The following RPN2 variants were observed in gnomAD, a reference collection of about 807,000 sequenced individuals.
RPN2 encodes dolichyl-diphosphooligosaccharide--protein glycosyltransferase subunit 2.
RPN2 carries 29 observed loss-of-function variants against 71.4 expected under a neutral mutation model. That is an observed-to-expected ratio of 0.41 (90% confidence interval 0.30 to 0.55). The LOEUF is 0.55. RPN2 is among the 20% of genes least tolerant of loss of function. The pLI is 0.35. For missense variants in RPN2, 726 were observed against 774.1 expected, an observed-to-expected ratio of 0.94 and a Z score of 0.74; for synonymous variants, 308 against 305.0, an observed-to-expected ratio of 1.01 and a Z score of -0.10.
intron 16 of RPN2, among the ~76,000 whole-genome samples, chr20:37,239,557 C>A (rs563059531): frequency 6.9e-6 from 1 of 145,698 alleles, no homozygotes; most frequent in Non-Finnish European, 1.5e-5. Flanking sequence ...TAGTCCTCAA[C>A]ACAGAAGGGA....
chr20:37,228,677 C>G lies in RPN2; in HGVS notation c.1427C>G (p.Ser476Cys). The G allele has an allele frequency of 6.2e-7, 1 of 1,614,228 alleles. No individual in the cohort carries two copies. Among genetic ancestry groups the G allele is most frequent in the Non-Finnish European group, 8.5e-7 (1 of 1,180,028 alleles). ...SERKIEFDSA[S>C]GTYTLYLIIG... is the part of the protein sequence containing the mutation. ...AGAAAGATTGAATTTGACTCTGCCT[C>G]TGGCACCTACACTCTCTACTTAATC... Residue 476 changes from serine (S) to cysteine (C), a missense_variant, in exon 12 of 17, where the codon TCT becomes TGT. Physicochemically the swap from Ser to Cys is moderately radical, Grantham distance 112 (BLOSUM62 -1). Transcript: ENST00000237530.
intron 14 of RPN2, among the ~76,000 whole-genome samples, chr20:37,233,254 G>A (rs749572468): frequency 1.3e-5 from 2 of 152,068 alleles, no homozygotes; most frequent in Non-Finnish European, 2.9e-5. Flanking sequence ...ATGTGTTAGT[G>A]TTGGTCATCT....
chr20:37,191,415 T>A (rs992631346), intron 2 of RPN2, among the ~76,000 whole-genome samples: 11 of 151,926 alleles, frequency 7.2e-5, no homozygotes, highest in Non-Finnish European at 1.5e-4. Flanking sequence ...GCAGAGGTTT[T>A]GCAGTGAGCT....
At chr20:37,183,669 T>C (rs553036837) in intron 1 of RPN2, among the ~76,000 whole-genome samples, 4 of 152,302 alleles carry the variant, frequency 2.6e-5, no homozygotes, top group Non-Finnish European at 5.9e-5. Context: ...CTTACATTAT[T>C]GTACTGGGGA....
rs1443612728 is a variant in RPN2 at position 37,228,819 on chromosome 20, A to G, written c.1494+75A>G. On this transcript the variant is annotated intron_variant, in intron 12 of 16. Transcript: ENST00000237530. ...GCACTGGTGGCTCTTTTTCAGGGGCATGGGGCTCTTCACCTTCGCCTTGCC... is the reference window on the plus strand; with the variant it reads ...GCACTGGTGGCTCTTTTTCAGGGGCGTGGGGCTCTTCACCTTCGCCTTGCC... 10 of 1,412,224 alleles carry G rather than the reference A, an allele frequency of 7.1e-6. No individual in the cohort carries two copies. The South Asian group carries it at 8.1e-5, about 11-fold the overall frequency. The allele number at this position is 1,412,224 out of a possible 1,614,324, so 87.5% of individuals were successfully genotyped here.
intron 11 of RPN2, 21 bp from the exon 12 acceptor site, chr20:37,228,529 T>C (rs1222429885): frequency 1.2e-6 from 2 of 1,600,592 alleles, no homozygotes; most frequent in Admixed American, 1.7e-5. Context: ...AGATGAAAGA[T>C]TGTATTATTC....
At chr20:37,212,112 T>G (rs112854804) in intron 8 of RPN2, among the ~76,000 whole-genome samples, 3,253 of 152,188 alleles carry the variant, frequency 0.021, 52 homozygotes, top group Middle Eastern at 0.034. Flanking sequence ...GCTATGTAAT[T>G]TTTTAAAAAC....
At chr20:37,185,811 AG>A (rs2066994013) in intron 2 of RPN2, among the ~76,000 whole-genome samples, 2 of 152,220 alleles carry the variant, frequency 1.3e-5, no homozygotes, top group African/African-American at 2.4e-5. Flanking sequence ...ATAATCCTGC[AG>A]GTCAGAAGTC....
chr20:37,180,911 C>T (rs1174504052), intron 1 of RPN2, among the ~76,000 whole-genome samples: 1 of 152,156 alleles, frequency 6.6e-6, no homozygotes, highest in Non-Finnish European at 1.5e-5. Flanking sequence ...GAGTGTAAGT[C>T]AAATCACTCC....
chr20:37,223,695 G>A (rs756097347), intron 9 of RPN2, among the ~76,000 whole-genome samples, 183 bp from the exon 10 acceptor site: 8 of 149,482 alleles, frequency 5.4e-5, no homozygotes, highest in East Asian at 1.9e-4. Context: ...TTTAGGCCTC[G>A]GAATGGGAGA....
At chr20:37,210,966 T>C (rs910870705) in intron 8 of RPN2, among the ~76,000 whole-genome samples, 6 of 152,030 alleles carry the variant, frequency 3.9e-5, no homozygotes, top group Non-Finnish European at 8.8e-5. Context: ...GGCAGATGGA[T>C]TGCTTGAGCC....
rs954816110 is a variant in RPN2, at chr20:37,236,769, C to T, written c.1883+60C>T. On this transcript the variant is annotated intron_variant, in intron 16 of 16. Transcript: ENST00000237530. ...GGTTAGAAATACTCAGCTCTGCCGGCCTAGCTCTTTGAAGGGTAGGTGGCA... is the reference window on the plus strand; with the variant it reads ...GGTTAGAAATACTCAGCTCTGCCGGTCTAGCTCTTTGAAGGGTAGGTGGCA... 3 of 1,571,668 alleles carry T rather than the reference C, an allele frequency of 1.9e-6. No homozygotes were observed. In the African/African-American group the frequency reaches 4.0e-5, roughly 21 times the overall value.
rs149722521 is a variant in RPN2 at position 37,236,236 on chromosome 20, A to T, written c.1754-344A>T. On this transcript the variant is annotated intron_variant, in intron 15 of 16. Coordinates refer to ENST00000237530, the MANE Select transcript of RPN2 (RefSeq NM_002951.5). ...GCCTCCTAAGTAGCTAGGACTACAGACATGGACCATTACGCCTGACTAATT... is the reference window on the plus strand; with the variant it reads ...GCCTCCTAAGTAGCTAGGACTACAGTCATGGACCATTACGCCTGACTAATT... 4.4e-4 allele frequency among the ~76,000 whole-genome samples: 67 copies of T among 152,170 alleles called. 1 individual carries two copies. The highest frequency in any genetic ancestry group is 3.4e-3 in the Middle Eastern group (1 of 294).
At chr20:37,197,107 G>A (rs115149410) in intron 2 of RPN2, among the ~76,000 whole-genome samples, 1 of 152,176 alleles carries the variant, frequency 6.6e-6, no homozygotes, top group East Asian at 1.9e-4. Context: ...TGGCGAGAGC[G>A]TGGTATAGCT....
intron 2 of RPN2, among the ~76,000 whole-genome samples, chr20:37,189,544 G>A (rs1412465065): frequency 1.3e-5 from 2 of 152,256 alleles, no homozygotes; most frequent in East Asian, 1.9e-4. Context: ...CCAGCTCTCC[G>A]TTTCTGCCCA....
intron 10 of RPN2, among the ~76,000 whole-genome samples, chr20:37,224,470 A>T (rs1034617573): frequency 6.6e-6 from 1 of 152,148 alleles, no homozygotes; most frequent in Admixed American, 6.6e-5. Context: ...TAAAATTGAG[A>T]TGGCAGATAC....
intron 9 of RPN2, among the ~76,000 whole-genome samples, chr20:37,220,959 A>T (rs1450880191): frequency 2.6e-5 from 4 of 152,172 alleles, no homozygotes; most frequent in African/African-American, 4.8e-5. Context: ...TGGGGCTGAG[A>T]GCAAACCAAG....
At chr20:37,236,756 T>G (rs1017340887) in intron 16 of RPN2, 47 bp downstream of exon 16, 4 of 1,596,266 alleles carry the variant, frequency 2.5e-6, no homozygotes, top group Non-Finnish European at 1.7e-6. Context: ...TTAGAAATAC[T>G]CAGCTCTGCC....
chr20:37,204,681 C>A, intron 5 of RPN2, 86 bp from the exon 6 acceptor site: 1 of 1,398,528 alleles, frequency 7.2e-7, no homozygotes, highest in Non-Finnish European at 1.0e-6. Flanking sequence ...TGTCACGAAG[C>A]TGTCTGCAGT....
Sources: gnomAD v4.1 joint callset for allele counts (sites outside exome capture counted in the v4.1 genomes callset) on GRCh38, gnomAD v4.1.1 for gene constraint, MANE v1.5 for transcripts, NCBI Gene and HGNC (gene_info 2026-07-23, HGNC 2026-07-21) for gene names.